EDIL3: variants seen among roughly 807,000 people sequenced by gnomAD.
EDIL3 encodes the protein EGF like and discoidin domains 3, also known as EGF-like repeat and discoidin I-like domain-containing protein 3.
Under a neutral mutation model 67.4 loss-of-function variants are expected in EDIL3, and 37 were observed. The observed-to-expected ratio is 0.55, with a 90% CI of 0.42 to 0.72. The LOEUF is 0.72. Among genes scored for constraint, EDIL3 ranks in the 30% least tolerant of loss-of-function variants. The pLI, the probability that EDIL3 is intolerant of heterozygous loss-of-function variation, is 0.00. For missense variants in EDIL3, 527 were observed against 586.3 expected, an observed-to-expected ratio of 0.90 and a Z score of 1.04; for synonymous variants, 195 against 196.3, an observed-to-expected ratio of 0.99 and a Z score of 0.05.
intron 1 of EDIL3, among the ~76,000 whole-genome samples, chr5:84,339,960 C>T (rs1450230600): frequency 2.6e-5 from 4 of 152,032 alleles, no homozygotes; most frequent in East Asian, 1.9e-4. Flanking sequence ...ACAGAAAGCA[C>T]AGCATTAAAA....
Position 84,262,325 on chromosome 5 carries a change from A to T in EDIL3, c.68-8113T>A, listed in dbSNP as rs1468159343. 2.0e-5 allele frequency among the ~76,000 whole-genome samples: 3 copies of T among 152,174 alleles called. No individual in the cohort carries two copies. The East Asian group carries it at 5.8e-4, about 29-fold the overall frequency. On this transcript the variant is annotated intron_variant, in intron 1 of 10. Transcript: ENST00000296591. ...TCAAGAAGAAGGAGAAAGGAATAGGAAAAACCAAGGAAGAAAAGGAAGGAG... is the reference window on the plus strand; with the variant it reads ...TCAAGAAGAAGGAGAAAGGAATAGGTAAAACCAAGGAAGAAAAGGAAGGAG...
intron 4 of EDIL3, among the ~76,000 whole-genome samples, chr5:84,162,901 G>A (rs1015112151): frequency 2.6e-5 from 4 of 152,014 alleles, no homozygotes; most frequent in African/African-American, 9.7e-5. Flanking sequence ...ATATGTAACT[G>A]ATTATATGAC....
At chr5:84,209,546 C>T (rs1475117924) in intron 3 of EDIL3, among the ~76,000 whole-genome samples, 1 of 151,950 alleles carries the variant, frequency 6.6e-6, no homozygotes, top group Non-Finnish European at 1.5e-5. Context: ...CTGTGTTTGC[C>T]TTGGTTTCTG....
chr5:84,105,854 C>A (rs1747450920), intron 6 of EDIL3, among the ~76,000 whole-genome samples: 1 of 152,024 alleles, frequency 6.6e-6, no homozygotes. Flanking sequence ...AAGCTATCTG[C>A]CCCAGGTGAG....
At chr5:84,008,986 A>G (rs1745472942) in intron 9 of EDIL3, among the ~76,000 whole-genome samples, 1 of 151,994 alleles carries the variant, frequency 6.6e-6, no homozygotes, top group South Asian at 2.1e-4. Flanking sequence ...CTAATTTTGT[A>G]TTTTTAGTAA....
intron 9 of EDIL3, among the ~76,000 whole-genome samples, chr5:84,014,796 AACTG>A (rs1480489234): frequency 6.6e-6 from 1 of 152,202 alleles, no homozygotes; most frequent in African/African-American, 2.4e-5. Flanking sequence ...AAAACTAGCT[AACTG>A]ACTAAGAAAA....
intron 3 of EDIL3, among the ~76,000 whole-genome samples, chr5:84,203,178 T>A (rs1743882611): frequency 6.6e-6 from 1 of 152,132 alleles, no homozygotes; most frequent in African/African-American, 2.4e-5. Flanking sequence ...ACTATTGAAT[T>A]TTGCTTCCAA....
At chr5:84,029,130 G>A (rs1745872101) in intron 9 of EDIL3, among the ~76,000 whole-genome samples, 1 of 152,110 alleles carries the variant, frequency 6.6e-6, no homozygotes, top group African/African-American at 2.4e-5. Context: ...GGTGGCAGGT[G>A]CCTGTAGTCC....
At chr5:84,118,266 A>G (rs1012639148) in intron 5 of EDIL3, among the ~76,000 whole-genome samples, 4 of 152,186 alleles carry the variant, frequency 2.6e-5, no homozygotes, top group African/African-American at 9.6e-5. Context: ...TTATGGTAAT[A>G]TATCCTTAGT....
At chr5:84,283,652 C>A (rs1295364090) in intron 1 of EDIL3, among the ~76,000 whole-genome samples, 1 of 152,202 alleles carries the variant, frequency 6.6e-6, no homozygotes, top group Admixed American at 6.5e-5. Flanking sequence ...AAATCTTCCT[C>A]AATCTCTCAT....
intron 9 of EDIL3, among the ~76,000 whole-genome samples, chr5:84,059,947 C>G (rs1641844478): frequency 6.6e-6 from 1 of 152,000 alleles, no homozygotes; most frequent in African/African-American, 2.4e-5. Context: ...ATTTCAATGC[C>G]CTTTGGATTC....
At chr5:84,210,007 T>C (rs1312560661) in intron 3 of EDIL3, among the ~76,000 whole-genome samples, 2 of 152,146 alleles carry the variant, frequency 1.3e-5, no homozygotes, top group Non-Finnish European at 2.9e-5. Flanking sequence ...ACTATCCTTT[T>C]TAAAGAAAGT....
intron 1 of EDIL3, among the ~76,000 whole-genome samples, chr5:84,281,446 T>C (rs1745701246): frequency 6.6e-6 from 1 of 152,244 alleles, no homozygotes; most frequent in South Asian, 2.1e-4. Context: ...ATTTTAGATC[T>C]TGTTTAAATC....
At chr5:83,952,971 G>T (rs1344169060) in intron 10 of EDIL3, among the ~76,000 whole-genome samples, 3 of 151,814 alleles carry the variant, frequency 2.0e-5, no homozygotes, top group African/African-American at 7.2e-5. Context: ...GGGGAAAAGA[G>T]TATTAGGGAG....
intron 9 of EDIL3, among the ~76,000 whole-genome samples, chr5:83,980,100 C>A (rs1286687476): frequency 1.3e-5 from 2 of 152,164 alleles, no homozygotes; most frequent in Non-Finnish European, 2.9e-5. Flanking sequence ...CTGAGCAACT[C>A]AGCACCTATG....
At chr5:84,186,697 T>C (rs1238492785) in intron 3 of EDIL3, among the ~76,000 whole-genome samples, 1 of 152,052 alleles carries the variant, frequency 6.6e-6, no homozygotes, top group Non-Finnish European at 1.5e-5. Flanking sequence ...TTGAGGCATC[T>C]CATATAGTTT....
intron 1 of EDIL3, among the ~76,000 whole-genome samples, chr5:84,360,452 TG>T (rs1267842365): frequency 1.3e-5 from 2 of 152,150 alleles, no homozygotes; most frequent in African/African-American, 4.8e-5. Context: ...AAGGCCAAGG[TG>T]TTTGAATCCT....
At chr5:84,324,385 A>C (rs1475784739) in intron 1 of EDIL3, among the ~76,000 whole-genome samples, 1 of 151,970 alleles carries the variant, frequency 6.6e-6, no homozygotes, top group Non-Finnish European at 1.5e-5. Flanking sequence ...AAACGAAATC[A>C]CACATCAAAA....
intron 6 of EDIL3, among the ~76,000 whole-genome samples, chr5:84,089,277 C>T (rs1269963575): frequency 6.6e-6 from 1 of 152,218 alleles, no homozygotes; most frequent in Non-Finnish European, 1.5e-5. Context: ...AAGTAATTTT[C>T]CAACTCAATG....
Sources: allele counts gnomAD v4.1 joint callset (sites outside exome capture counted in the v4.1 genomes callset), GRCh38; gene constraint gnomAD v4.1.1; transcripts MANE v1.5; gene names NCBI Gene and HGNC (gene_info 2026-07-23, HGNC 2026-07-21).